The following MS4A13 variants were observed in gnomAD, a reference collection of about 807,000 sequenced individuals.
MS4A13 encodes membrane spanning 4-domains A13.
Under a neutral mutation model 18.4 loss-of-function variants are expected in MS4A13, and 21 were observed. The ratio of observed to expected loss-of-function variants is 1.14; its 90% CI spans 0.81 to 1.64. The LOEUF (loss-of-function observed/expected upper bound fraction) is 1.64. Among genes scored for constraint, MS4A13 ranks in the 40% most tolerant of loss-of-function variants. The pLI is 0.00. For synonymous variants in MS4A13, 62 were observed against 57.2 expected, an observed-to-expected ratio of 1.08 and a Z score of -0.38; for missense variants, 173 against 176.8, an observed-to-expected ratio of 0.98 and a Z score of 0.12.
intron 3 of MS4A13, among the ~76,000 whole-genome samples, chr11:60,519,423 T>G (rs1395928101): frequency 1.3e-5 from 2 of 152,092 alleles, no homozygotes; most frequent in East Asian, 3.9e-4. Flanking sequence ...TTTTTTCCAG[T>G]AGCTTCAAAT....
At chr11:60,539,238 A>G (rs2135272275) in intron 6 of MS4A13, among the ~76,000 whole-genome samples, 1 of 152,050 alleles carries the variant, frequency 6.6e-6, no homozygotes, top group African/African-American at 2.4e-5. Context: ...TTGAAGAATT[A>G]TAAGATGGCA....
intron 4 of MS4A13, 117 bp from the exon 5 acceptor site, chr11:60,525,090 T>C (rs2086704693): frequency 1.4e-6 from 1 of 709,882 alleles, no homozygotes; most frequent in African/African-American, 1.8e-5. Flanking sequence ...TTAATACTTC[T>C]AAGACTTCAG....
rs186130489 is a variant in MS4A13 at position 60,519,531 on chromosome 11, C to T, written c.129+1319C>T. On this transcript the variant is annotated intron_variant, in intron 3 of 6. Coordinates refer to ENST00000378186, the MANE Select transcript of MS4A13 (RefSeq NM_001012417.3). ...AGGCAAGAGAATATGAAATAATCATCGAGGAAAAGTGAGAGTGCACAGATT... is the reference window on the plus strand; with the variant it reads ...AGGCAAGAGAATATGAAATAATCATTGAGGAAAAGTGAGAGTGCACAGATT... Among the ~76,000 whole-genome samples, 201 of 151,748 alleles carry T rather than the reference C, an allele frequency of 1.3e-3. 2 individuals are homozygous for T. Among genetic ancestry groups the T allele is most frequent in the Non-Finnish European group, 2.5e-3 (169 of 67,924 alleles).
At chr11:60,519,768 A>G (rs1014264430) in intron 3 of MS4A13, among the ~76,000 whole-genome samples, 2 of 152,200 alleles carry the variant, frequency 1.3e-5, no homozygotes, top group African/African-American at 4.8e-5. Context: ...GATATAGGGC[A>G]GTGTTTGTAA....
intron 6 of MS4A13, among the ~76,000 whole-genome samples, chr11:60,538,378 T>G (rs922823816): frequency 1.3e-5 from 2 of 151,396 alleles, no homozygotes; most frequent in African/African-American, 4.9e-5. Flanking sequence ...TAACTAATCA[T>G]GCACTGGATA....
rs576116227 is a variant in MS4A13 at position 60,527,488 on chromosome 11, C to G, written c.307-1877C>G. On this transcript the variant is annotated intron_variant, in intron 5 of 6. Coordinates refer to ENST00000378186, the MANE Select transcript of MS4A13 (RefSeq NM_001012417.3). Reference sequence around the variant, plus strand: ...TCATATTTGAGCTGCTCTGGCCAACCTTTTGCCGCTTTCAGTCAGGGAGGG... The same window carrying G: ...TCATATTTGAGCTGCTCTGGCCAACGTTTTGCCGCTTTCAGTCAGGGAGGG... Among the ~76,000 whole-genome samples, 55 of 148,066 alleles carry G rather than the reference C, an allele frequency of 3.7e-4. 1 individual carries two copies. Among genetic ancestry groups the G allele is most frequent in the Non-Finnish European group, 7.7e-4 (52 of 67,362 alleles).
At chr11:60,520,379 T>C (rs2135248982) in intron 3 of MS4A13, among the ~76,000 whole-genome samples, 1 of 152,300 alleles carries the variant, frequency 6.6e-6, no homozygotes, top group East Asian at 1.9e-4. Context: ...CAAAGTCTCA[T>C]CTGAGACAAG....
At chr11:60,524,086 T>G in intron 4 of MS4A13, 133 bp downstream of exon 4, 1 of 574,134 alleles carries the variant, frequency 1.7e-6, no homozygotes, top group African/African-American at 1.9e-5. Context: ...GAATTAAGAA[T>G]GAATCTAGAA....
At chr11:60,519,984 G>C (rs904087175) in intron 3 of MS4A13, among the ~76,000 whole-genome samples, 9 of 152,180 alleles carry the variant, frequency 5.9e-5, no homozygotes, top group African/African-American at 2.2e-4. Flanking sequence ...GAATGATTAT[G>C]GGAGTGAGTG....
intron 3 of MS4A13, among the ~76,000 whole-genome samples, chr11:60,519,661 C>T (rs1247309469): frequency 1.3e-5 from 2 of 152,304 alleles, no homozygotes; most frequent in Middle Eastern, 3.4e-3. Context: ...TGTTCAGCTG[C>T]ATGAGTGCAA....
At chr11:60,528,607 G>A (rs2086737342) in intron 5 of MS4A13, among the ~76,000 whole-genome samples, 1 of 152,186 alleles carries the variant, frequency 6.6e-6, no homozygotes, top group Non-Finnish European at 1.5e-5. Context: ...AAAGAAGGAG[G>A]AGGAAGAGTT....
At chr11:60,516,557 G>A (rs184689622) in intron 2 of MS4A13, among the ~76,000 whole-genome samples, 3 of 152,196 alleles carry the variant, frequency 2.0e-5, no homozygotes, top group South Asian at 2.1e-4. Flanking sequence ...TCGCCTATAC[G>A]ACTGTTCAGC....
intron 5 of MS4A13, among the ~76,000 whole-genome samples, chr11:60,526,463 C>T (rs936841428): frequency 1.3e-5 from 2 of 152,192 alleles, no homozygotes; most frequent in African/African-American, 4.8e-5. Context: ...TTGCCTTTTG[C>T]AGTCAGTGTG....
chr11:60,528,587 T>A (rs2086737169), intron 5 of MS4A13, among the ~76,000 whole-genome samples: 2 of 152,166 alleles, frequency 1.3e-5, no homozygotes, highest in African/African-American at 4.8e-5. Context: ...AGATATTAAA[T>A]AAACCAAACA....
At position 60,518,195 on chromosome 11, in the gene MS4A13, A is replaced by G. The variant is rs370921940; in HGVS notation, c.112A>G (p.Thr38Ala). ...ACCTGTAACTTACAAAACAGGATGT[A>G]CTTTATGGGGAATTTTTGTGAGTAG... Reference protein sequence around the residue: ...YEPVTYKTGCTLWGIFFIIAG... With the variant: ...YEPVTYKTGCALWGIFFIIAG... The change falls in exon 3 of 7, where the codon ACT becomes GCT. Residue 38 changes from threonine to alanine, a missense_variant. Physicochemically the swap from Thr to Ala is moderately conservative, Grantham distance 58 (BLOSUM62 0). Coordinates refer to ENST00000378186, the MANE Select transcript of MS4A13 (RefSeq NM_001012417.3). The G allele has an allele frequency of 2.8e-5, 45 of 1,610,102 alleles. No individual in the cohort carries two copies. Among genetic ancestry groups the G allele is most frequent in the Non-Finnish European group, 3.7e-5 (44 of 1,177,890 alleles).
intron 3 of MS4A13, among the ~76,000 whole-genome samples, chr11:60,521,704 GTCT>G (rs918391506): frequency 2.3e-4 from 35 of 152,262 alleles, no homozygotes; most frequent in African/African-American, 8.2e-4. Context: ...ACATTTTCCT[GTCT>G]TCTTCTAAGT....
chr11:60,524,003 A>C, intron 4 of MS4A13, 50 bp downstream of exon 4: 1 of 1,118,080 alleles, frequency 8.9e-7, no homozygotes, highest in African/African-American at 1.5e-5. Context: ...TCACAAAGCT[A>C]AATATTAAGT....
rs192214356 is a variant in MS4A13, at chr11:60,531,577, G to A, written c.402+2117G>A. 2.0e-5 allele frequency among the ~76,000 whole-genome samples: 3 copies of A among 152,312 alleles called. No homozygotes were observed. The East Asian group carries it at 5.8e-4, about 29-fold the overall frequency. On this transcript the variant is annotated intron_variant, in intron 6 of 6. Coordinates refer to ENST00000378186, the MANE Select transcript of MS4A13 (RefSeq NM_001012417.3). ...GGTAGAAGTCTTACTGGCTCAAGGT[G>A]TCTAATACTTTCCTAGAGCTTCTAT...
At chr11:60,518,424 A>G (rs1425255474) in intron 3 of MS4A13, among the ~76,000 whole-genome samples, 1 of 152,202 alleles carries the variant, frequency 6.6e-6, no homozygotes, top group Non-Finnish European at 1.5e-5. Context: ...AGATATGGAT[A>G]CAGGAGTACA....
Sources: gnomAD v4.1 joint callset for allele counts (sites outside exome capture counted in the v4.1 genomes callset) on GRCh38, gnomAD v4.1.1 for gene constraint, MANE v1.5 for transcripts, NCBI Gene and HGNC (gene_info 2026-07-23, HGNC 2026-07-21) for gene names.